Variants in MAP2K5 observed in about 807,000 individuals in gnomAD.
MAP2K5 encodes the protein mitogen-activated protein kinase kinase 5.
MAP2K5 carries 49 observed loss-of-function variants against 83.1 expected under a neutral mutation model. The observed-to-expected ratio is 0.59, with a 90% CI of 0.47 to 0.75. The LOEUF (loss-of-function observed/expected upper bound fraction) is 0.75, where lower values mean the gene tolerates loss of function less well. Among genes scored for constraint, MAP2K5 ranks in the 30% least tolerant of loss-of-function variants. The pLI, the probability that MAP2K5 is intolerant of heterozygous loss-of-function variation, is 0.00. For missense variants in MAP2K5, 457 were observed against 557.5 expected (o/e 0.82, Z 1.82); for synonymous variants, 202 against 191.8 (o/e 1.05, Z -0.44).
chr15:67,706,409 G>A (rs139472847), intron 16 of MAP2K5, among the ~76,000 whole-genome samples: 1 of 152,328 alleles, frequency 6.6e-6, no homozygotes, highest in African/African-American at 2.4e-5. Context: ...TCAGCATTGA[G>A]TGTGGGACAC....
chr15:67,806,515 T>A (rs1710886650), intron 21 of MAP2K5, 131 bp from the exon 22 acceptor site: 2 of 756,442 alleles, frequency 2.6e-6, no homozygotes, highest in African/African-American at 3.5e-5. Context: ...ATGGAGCTGA[T>A]AGCCTCCCTC....
intron 21 of MAP2K5, among the ~76,000 whole-genome samples, chr15:67,773,260 T>A (rs1211305604): frequency 6.6e-6 from 1 of 152,180 alleles, no homozygotes; most frequent in East Asian, 1.9e-4. Context: ...CCAAGGCAGC[T>A]TTCTTTGATT....
At chr15:67,723,972 T>C (rs948295112) in intron 16 of MAP2K5, among the ~76,000 whole-genome samples, 3 of 152,226 alleles carry the variant, frequency 2.0e-5, no homozygotes, top group Non-Finnish European at 4.4e-5. Flanking sequence ...TAAATTTAAT[T>C]AAGAAAATAC....
chr15:67,763,648 A>ATT (rs34984883), intron 19 of MAP2K5, among the ~76,000 whole-genome samples: 5 of 147,464 alleles, frequency 3.4e-5, no homozygotes, highest in African/African-American at 5.0e-5. Context: ...TGTTTTTTAG[A>ATT]TTTTTTTTTT....
At chr15:67,584,609 A>C (rs1596598136) in intron 4 of MAP2K5, among the ~76,000 whole-genome samples, 1 of 151,094 alleles carries the variant, frequency 6.6e-6, no homozygotes, top group East Asian at 1.9e-4. Flanking sequence ...AAATTTGAGT[A>C]TATTTGGAAT....
In MAP2K5 at chr15:67,755,985, C is replaced by A. The variant is rs1243273775; in HGVS notation, c.1134+7384C>A. ...TTCCATTGTCCTCCCCACATCCTCACTGTGGCATTCCCGTTGATCCCCATT... is the reference window on the plus strand; with the variant it reads ...TTCCATTGTCCTCCCCACATCCTCAATGTGGCATTCCCGTTGATCCCCATT... On this transcript the variant is annotated intron_variant, in intron 19 of 21. Coordinates refer to ENST00000178640, the MANE Select transcript of MAP2K5 (RefSeq NM_145160.3). This position sits in a 1 kb window ranked among gnomAD's most constrained non-coding sequence, Gnocchi z 4.7. Among the ~76,000 whole-genome samples, 5 of 152,222 alleles carry A rather than the reference C, an allele frequency of 3.3e-5. No homozygotes were observed. The highest frequency in any genetic ancestry group is 4.4e-5 in the Non-Finnish European group (3 of 68,038).
intron 8 of MAP2K5, among the ~76,000 whole-genome samples, chr15:67,606,730 T>C (rs1275988834): frequency 1.3e-5 from 2 of 152,190 alleles, no homozygotes; most frequent in South Asian, 4.1e-4. Flanking sequence ...ATTAGCTCAT[T>C]ATAGTAATAT....
chr15:67,686,932 T>A (rs983234755), intron 13 of MAP2K5, among the ~76,000 whole-genome samples: 1 of 152,172 alleles, frequency 6.6e-6, no homozygotes, highest in South Asian at 2.1e-4. Context: ...CCAGGTGGAA[T>A]GCAAAGATTG....
At chr15:67,733,099 A>G (rs981972039) in intron 17 of MAP2K5, among the ~76,000 whole-genome samples, 2 of 152,146 alleles carry the variant, frequency 1.3e-5, no homozygotes, top group Admixed American at 1.3e-4. Context: ...CATTGATTAG[A>G]AAAGAGCCTT....
rs2090323628 is a variant in MAP2K5, at chr15:67,781,272, C to G, written c.1242+8520C>G. ...CTTATCAATTATTAACCAGTCTAACCAGGAATTTTAAGAGCTGGGGAAAAT... is the reference window on the plus strand; with the variant it reads ...CTTATCAATTATTAACCAGTCTAACGAGGAATTTTAAGAGCTGGGGAAAAT... On this transcript the variant is annotated intron_variant, in intron 21 of 21. Coordinates refer to ENST00000178640, the MANE Select transcript of MAP2K5 (RefSeq NM_145160.3). The surrounding 1 kb of genome is among the most constrained non-coding windows in gnomAD (Gnocchi z 4.0). Among the ~76,000 whole-genome samples the G allele has an allele frequency of 6.6e-6, 1 of 152,140 alleles. No individual in the cohort carries two copies. The highest frequency in any genetic ancestry group is 2.4e-5 in the African/African-American group (1 of 41,416).
In MAP2K5 at chr15:67,698,825, AGTG is replaced by A. The variant is rs905578367; in HGVS notation, c.973-4505_973-4503del. ...ATGCTCATGCGATGGTAGTAATGGT[AGTG>A]GTGGTGACTGGAAGGAGGCTAACAT... On this transcript the variant is annotated intron_variant, in intron 15 of 21. Transcript: ENST00000178640. The surrounding 1 kb of genome is among the most constrained non-coding windows in gnomAD (Gnocchi z 4.5). Among the ~76,000 whole-genome samples the A allele has an allele frequency of 2.6e-5, 4 of 152,224 alleles. No individual in the cohort carries two copies. Among genetic ancestry groups the A allele is most frequent in the Non-Finnish European group, 4.4e-5 (3 of 68,046 alleles).
At chr15:67,604,194 T>C (rs188508682) in intron 8 of MAP2K5, among the ~76,000 whole-genome samples, 73 of 152,370 alleles carry the variant, frequency 4.8e-4, no homozygotes, top group Admixed American at 8.5e-4. Flanking sequence ...CTGTGCTCTA[T>C]ATTATGAGAG....
At position 67,724,121 on chromosome 15, in the gene MAP2K5, AACACATTTAGT is replaced by A. The variant is rs2089033290; in HGVS notation, c.1045-3791_1045-3781del. Among the ~76,000 whole-genome samples the A allele has an allele frequency of 1.3e-5, 2 of 152,196 alleles. No individual in the cohort carries two copies. Among genetic ancestry groups the A allele is most frequent in the African/African-American group, 4.8e-5 (2 of 41,454 alleles). ...GACATTAAAGCTTCATTAAATCTGA[AACACATTTAGT>A]ACAGTGACATATCTGCAGGCCATTT... is the stretch of plus-strand genomic sequence containing the variant. On this transcript the variant is annotated intron_variant, in intron 16 of 21. Transcript: ENST00000178640. The surrounding 1 kb of genome is among the most constrained non-coding windows in gnomAD (Gnocchi z 4.4).
In MAP2K5 at chr15:67,634,367, C is replaced by CAAAAAAAAAAAAAAAAAAAAAAAA. The variant is rs71142390; in HGVS notation, c.585+3459_585+3482dup. ...TGGGTGACAGAGTAAGACCTCATCT[C>CAAAAAAAAAAAAAAAAAAAAAAAA]AAAAAAAAAAAAAAAAAAAAAAAAA... On this transcript the variant is annotated intron_variant, in intron 9 of 21. Coordinates refer to ENST00000178640, the MANE Select transcript of MAP2K5 (RefSeq NM_145160.3). Among the ~76,000 whole-genome samples the CAAAAAAAAAAAAAAAAAAAAAAAA allele has an allele frequency of 8.2e-5, 4 of 48,578 alleles. 1 individual carries two copies. The highest frequency in any genetic ancestry group is 1.2e-4 in the Non-Finnish European group (3 of 24,804). The allele number at this position is 48,578 out of a possible 152,430, so 31.9% of individuals were successfully genotyped here.
intron 21 of MAP2K5, among the ~76,000 whole-genome samples, chr15:67,784,347 A>G (rs191815559): frequency 2.6e-5 from 4 of 152,382 alleles, no homozygotes; most frequent in East Asian, 1.9e-4. Flanking sequence ...AAGTCAAACT[A>G]TTTCTTGCAG....
chr15:67,607,827 A>G (rs993070849), intron 8 of MAP2K5, among the ~76,000 whole-genome samples: 2 of 152,134 alleles, frequency 1.3e-5, no homozygotes, highest in African/African-American at 4.8e-5. Context: ...ATTATACTTC[A>G]GAAATGCACT....
Position 67,800,235 on chromosome 15 carries a change from G to A in MAP2K5, c.1243-6411G>A, listed in dbSNP as rs535655841. ...GTTTTCTCCGGGGATTAGATTGGTA[G>A]CTTTAAAACTTTAACAGTGGAACAT... is the stretch of plus-strand genomic sequence containing the variant. On this transcript the variant is annotated intron_variant, in intron 21 of 21. Transcript: ENST00000178640. Among the ~76,000 whole-genome samples, 5 of 152,308 alleles carry A rather than the reference G, an allele frequency of 3.3e-5. No individual in the cohort carries two copies. In the South Asian group the frequency reaches 1.0e-3, roughly 32 times the overall value.
intron 15 of MAP2K5, 54 bp downstream of exon 15, chr15:67,693,622 T>C: frequency 7.9e-7 from 1 of 1,273,124 alleles, no homozygotes; most frequent in South Asian, 1.2e-5. Context: ...TATCTTTATG[T>C]ACTTGGTAAT....
At chr15:67,739,451 TATATATATATA>T (rs1330264471) in intron 17 of MAP2K5, among the ~76,000 whole-genome samples, 75 of 15,408 alleles carry the variant, frequency 4.9e-3, no homozygotes, top group African/African-American at 0.016. Flanking sequence ...TATATATATA[TATATATATATA>T]TTTTTTTTTT....
Sources: allele counts gnomAD v4.1 joint callset (sites outside exome capture counted in the v4.1 genomes callset), GRCh38; gene constraint gnomAD v4.1.1; non-coding constraint Gnocchi (gnomAD v3.1); transcripts MANE v1.5; gene names NCBI Gene and HGNC (gene_info 2026-07-23, HGNC 2026-07-21).